PHIP: variants seen among roughly 807,000 people sequenced by gnomAD.
The protein encoded by PHIP is PHIP subunit of CUL4-Ring ligase complex, also known as PH-interacting protein.
Under a neutral mutation model 236.8 loss-of-function variants are expected in PHIP, and 54 were observed. The observed-to-expected ratio is 0.23, with a 90% confidence interval of 0.18 to 0.29. PHIP has a LOEUF of 0.29. Ranked by LOEUF, PHIP falls within the 10% of genes least tolerant of loss-of-function variation. The pLI, the probability that PHIP is intolerant of heterozygous loss-of-function variation, is 1.00. For synonymous variants in PHIP, 756 were observed against 718.9 expected (o/e 1.05, Z -0.83); for missense variants, 1,370 against 2,190.8 (o/e 0.63, Z 7.48).
chr6:79,033,100 T>G (rs1320350144), intron 7 of PHIP, among the ~76,000 whole-genome samples: 2 of 152,120 alleles, frequency 1.3e-5, no homozygotes, highest in Non-Finnish European at 2.9e-5. Flanking sequence ...AACAGTGGGC[T>G]TAAAATATTC....
chr6:79,003,429 C>G lies in PHIP; in HGVS notation c.1653+301G>C, dbSNP rs75005934. 3.4e-3 allele frequency among the ~76,000 whole-genome samples: 514 copies of G among 152,078 alleles called. 2 individuals carry two copies. Among genetic ancestry groups the G allele is most frequent in the African/African-American group, 0.011 (450 of 41,508 alleles). On this transcript the variant is annotated intron_variant, in intron 16 of 39. Coordinates refer to ENST00000275034, the MANE Select transcript of PHIP (RefSeq NM_017934.7). Reference sequence around the variant, plus strand: ...TTCAGAGTCCCACTATGGATAACATCTTCCATCTCCAGTTTATATACCCCA... The same window carrying G: ...TTCAGAGTCCCACTATGGATAACATGTTCCATCTCCAGTTTATATACCCCA...
intron 6 of PHIP, among the ~76,000 whole-genome samples, chr6:79,050,616 C>T (rs1190856063): frequency 2.0e-5 from 3 of 152,072 alleles, no homozygotes; most frequent in Non-Finnish European, 2.9e-5. Context: ...ATAGAGCATA[C>T]GTTCATTCTA....
chr6:79,003,814 A>G lies in PHIP; in HGVS notation c.1569T>C (p.Ser523=). 1 of 1,609,366 alleles carries G rather than the reference A, an allele frequency of 6.2e-7. No individual in the cohort carries two copies. The highest frequency in any genetic ancestry group is 8.5e-7 in the Non-Finnish European group (1 of 1,176,654). ...TGCATGCAAAATGCTGACCATCAGG[A>G]GAGCATTTGCAGTCAAATACTGCGC... The part of the protein sequence containing the change: ...GHGAVFDCKC[S]PDGQHFACTD... Residue 523 remains serine, a synonymous_variant, in exon 16 of 40, where the codon TCT becomes TCC. Coordinates refer to ENST00000275034, the MANE Select transcript of PHIP (RefSeq NM_017934.7).
In PHIP at chr6:78,954,841, A is replaced by T; in HGVS notation, c.4026T>A (p.Arg1342=). 2 of 1,581,638 alleles carry T rather than the reference A, an allele frequency of 1.3e-6. No homozygotes were observed. Among genetic ancestry groups the T allele is most frequent in the Non-Finnish European group, 1.7e-6 (2 of 1,169,610 alleles). The change falls in exon 35 of 40, where the codon CGT becomes CGA. Residue 1342 remains arginine (R), a synonymous_variant. Coordinates refer to ENST00000275034, the MANE Select transcript of PHIP (RefSeq NM_017934.7). ...IFQCEDSEPF[R]QPVDLLEYPD... The stretch of plus-strand genomic sequence containing the variant: ...GATATTCAAGGAGATCTACCGGCTG[A>T]CGGAAAGGCTCTGAATCTTCACATT...
In PHIP at chr6:79,060,725, G is replaced by A; in HGVS notation, c.283C>T (p.Pro95Ser). Residue 95 changes from proline (P) to serine (S), a missense_variant, in exon 5 of 40, where the codon CCT becomes TCT. Around this residue, in one of 14 missense-constraint regions of PHIP, gnomAD observed 82 missense variants for 203.2 expected, o/e 0.40. Transcript: ENST00000275034. The part of the protein sequence containing the change: ...LLEQEIPQSV[P>S]GVQTLLGAGR... ...GCTCCTAATAAAGTTTGTACTCCAG[G>A]AACACTTTGAGGAATTTCTTGTTCA... 1 of 1,612,986 alleles carries A rather than the reference G, an allele frequency of 6.2e-7. No homozygotes were observed. The highest frequency in any genetic ancestry group is 2.2e-5 in the East Asian group (1 of 44,850).
rs1767247699 is a variant in PHIP, at chr6:78,967,916, C to T, written c.3206-1860G>A. Among the ~76,000 whole-genome samples the T allele has an allele frequency of 4.6e-5, 7 of 151,890 alleles. No individual in the cohort carries two copies. The South Asian group carries it at 1.5e-3, about 32-fold the overall frequency. On this transcript the variant is annotated intron_variant, in intron 27 of 39. Coordinates refer to ENST00000275034, the MANE Select transcript of PHIP (RefSeq NM_017934.7). The stretch of plus-strand genomic sequence containing the variant: ...TTGGGAGGCTGAGGCGGGCGGATCA[C>T]AAGGTCAGGAGATCAAGACCATCCT...
Position 78,963,171 on chromosome 6 carries a change from C to A in PHIP, c.3461G>T (p.Gly1154Val). The A allele has an allele frequency of 6.2e-7, 1 of 1,611,634 alleles. No homozygotes were observed. Among genetic ancestry groups the A allele is most frequent in the South Asian group, 1.1e-5 (1 of 90,714 alleles). The change falls in exon 30 of 40, where the codon GGA becomes GTA. Residue 1154 changes from glycine to valine, a missense_variant. Gly to Val is a moderately radical substitution (Grantham distance 109). Coordinates refer to ENST00000275034, the MANE Select transcript of PHIP (RefSeq NM_017934.7). ...CRSLIYKPLD[G>V]EWGTNPRDEE... ...ATCCCTGGGATTGGTACCCCATTCT[C>A]CATCAAGAGGTTTATAGATTAGTGA...
intron 2 of PHIP, 44 bp downstream of exon 2, chr6:79,077,811 C>G (rs1194712433): frequency 1.7e-6 from 2 of 1,152,266 alleles, no homozygotes; most frequent in East Asian, 4.5e-5. Flanking sequence ...CCCACGCCCG[C>G]GAGCGGCGAG....
At chr6:78,972,524 C>T (rs1287176119) in intron 24 of PHIP, among the ~76,000 whole-genome samples, 13 of 152,294 alleles carry the variant, frequency 8.5e-5, no homozygotes, top group Middle Eastern at 3.4e-3. Flanking sequence ...CAAAGCTGGA[C>T]GCAGAATGAC....
chr6:79,026,852 A>T (rs1167256274), intron 7 of PHIP, among the ~76,000 whole-genome samples: 1 of 151,058 alleles, frequency 6.6e-6, no homozygotes, highest in Non-Finnish European at 1.5e-5. Context: ...TTTTTATTAT[A>T]ATAATTTTAA....
chr6:79,065,177 CT>C (rs1340500381), intron 4 of PHIP, among the ~76,000 whole-genome samples: 1 of 152,192 alleles, frequency 6.6e-6, no homozygotes, highest in East Asian at 1.9e-4. Context: ...AAATGCATAC[CT>C]TTCCCATATG....
chr6:79,004,053 T>C (rs1770154781), intron 15 of PHIP, among the ~76,000 whole-genome samples, 195 bp from the exon 16 acceptor site: 2 of 152,032 alleles, frequency 1.3e-5, no homozygotes, highest in Non-Finnish European at 2.9e-5. Context: ...AAATAAAGTA[T>C]TCTATCCACA....
Position 78,998,362 on chromosome 6 carries a change from T to C in PHIP, c.1909A>G (p.Asn637Asp). 1.9e-6 allele frequency: 3 copies of C among 1,613,796 alleles called. No individual in the cohort carries two copies. Among genetic ancestry groups the C allele is most frequent in the Non-Finnish European group, 2.5e-6 (3 of 1,179,764 alleles). The change falls in exon 18 of 40, where the codon AAC becomes GAC. Residue 637 changes from asparagine (N) to aspartate (D), a missense_variant. Physicochemically the swap from Asn to Asp is conservative, Grantham distance 23 (BLOSUM62 1). This residue lies in a region of PHIP where 133 missense variants were observed against 245.2 expected (regional missense o/e 0.54). Transcript: ENST00000275034. Reference sequence around the variant, plus strand: ...CTGTCCAGTGGGCTGATCTCCTGGTTTGCTTGCTGACTTAAAACTTGATTC... The same window carrying C: ...CTGTCCAGTGGGCTGATCTCCTGGTCTGCTTGCTGACTTAAAACTTGATTC... ...GLNQVLSQQA[N>D]QEISPLDSMI... is the part of the protein sequence containing the mutation.
At chr6:79,019,368 C>T (rs1276103912) in intron 9 of PHIP, among the ~76,000 whole-genome samples, 3 of 151,986 alleles carry the variant, frequency 2.0e-5, no homozygotes, top group African/African-American at 7.2e-5. Flanking sequence ...CTCCTTATTA[C>T]ACAACAATAC....
chr6:79,006,255 C>T (rs1276809826), intron 15 of PHIP, among the ~76,000 whole-genome samples: 1 of 151,940 alleles, frequency 6.6e-6, no homozygotes, highest in Admixed American at 6.6e-5. Flanking sequence ...TTAATAGATC[C>T]TCAGACAATA....
intron 6 of PHIP, among the ~76,000 whole-genome samples, chr6:79,046,701 A>AC (rs1238867737): frequency 5.3e-5 from 8 of 152,036 alleles, no homozygotes; most frequent in Non-Finnish European, 8.8e-5. Flanking sequence ...ACATGGTGAA[A>AC]CCCCATCTCT....
chr6:78,942,280 C>T (rs559054944), intron 39 of PHIP, among the ~76,000 whole-genome samples: 34 of 152,244 alleles, frequency 2.2e-4, no homozygotes, highest in African/African-American at 7.7e-4. Context: ...GTCAGGAGTT[C>T]GAGACCAGCC....
chr6:79,009,200 T>G (rs894712673), intron 15 of PHIP, among the ~76,000 whole-genome samples: 1 of 152,112 alleles, frequency 6.6e-6, no homozygotes, highest in Admixed American at 6.6e-5. Context: ...ATGAGATCAT[T>G]TGAAGTCACT....
At chr6:78,978,787 C>T in intron 23 of PHIP, 76 bp from the exon 24 acceptor site, 3 of 1,157,882 alleles carry the variant, frequency 2.6e-6, no homozygotes, top group Non-Finnish European at 3.7e-6. Context: ...TTTAAAATAA[C>T]TATAAAGATA....
Sources: allele counts gnomAD v4.1 joint callset (sites outside exome capture counted in the v4.1 genomes callset), GRCh38; gene constraint gnomAD v4.1.1; regional missense constraint gnomAD v4.1.1; transcripts MANE v1.5; gene names NCBI Gene and HGNC (gene_info 2026-07-23, HGNC 2026-07-21).